The following STT3B variants were observed in gnomAD, a reference collection of about 807,000 sequenced individuals.
STT3B encodes dolichyl-diphosphooligosaccharide--protein glycosyltransferase subunit STT3B.
In STT3B, 29 loss-of-function variants were observed where a neutral mutation model predicts 96.8. That is an observed-to-expected ratio of 0.30 (90% CI 0.22 to 0.41). STT3B has a LOEUF of 0.41. Ranked by LOEUF, STT3B falls within the 10% of genes least tolerant of loss-of-function variation. STT3B has a pLI of 1.00. For synonymous variants in STT3B, 367 were observed against 360.0 expected (o/e 1.02, Z -0.22); for missense variants, 640 against 1,022.3 (o/e 0.63, Z 5.10).
intron 14 of STT3B, 59 bp from the exon 15 acceptor site, chr3:31,632,876 T>C: frequency 6.9e-7 from 1 of 1,450,240 alleles, no homozygotes; most frequent in East Asian, 2.3e-5. Context: ...ACTTACTGTC[T>C]TATAACACTG....
At chr3:31,598,840 G>T (rs1273768132) in intron 4 of STT3B, among the ~76,000 whole-genome samples, 1 of 148,056 alleles carries the variant, frequency 6.8e-6, no homozygotes, top group African/African-American at 2.5e-5. Flanking sequence ...ATGGAGTTTC[G>T]CTCTTGTTGC....
At chr3:31,629,178 G>T in intron 13 of STT3B, 120 bp from the exon 14 acceptor site, 1 of 657,770 alleles carries the variant, frequency 1.5e-6, no homozygotes, top group Non-Finnish European at 2.7e-6. Context: ...AGGTGTAACT[G>T]AATATGGCTT....
chr3:31,547,578 G>A (rs753010123), intron 1 of STT3B, among the ~76,000 whole-genome samples: 41 of 152,122 alleles, frequency 2.7e-4, no homozygotes, highest in Non-Finnish European at 2.6e-4. Context: ...CCCTGGAGGC[G>A]GAAGTTGCAG....
At chr3:31,548,881 T>C (rs557454337) in intron 1 of STT3B, among the ~76,000 whole-genome samples, 1 of 152,288 alleles carries the variant, frequency 6.6e-6, no homozygotes, top group South Asian at 2.1e-4. Flanking sequence ...AAATAATCTT[T>C]GATAATTTGA....
rs909694143 is a variant in STT3B at position 31,602,660 on chromosome 3, A to T, written c.877+2201A>T. Among the ~76,000 whole-genome samples the T allele has an allele frequency of 2.1e-3, 259 of 125,118 alleles. 6 individuals are homozygous for T. The East Asian group carries it at 0.053, about 25-fold the overall frequency. The allele number at this position is 125,118 out of a possible 152,430, so 82.1% of individuals were successfully genotyped here. On this transcript the variant is annotated intron_variant, in intron 5 of 15. Transcript: ENST00000295770. ...AAGGCCTTTGTATTTGGTAGCTGGG[A>T]TTTTTTTTTTTTTTTTTTTTTTGGT...
chr3:31,636,647 C>T lies in STT3B; in HGVS notation c.*583C>T, dbSNP rs909634876. 1 of 152,176 alleles carries T rather than the reference C, an allele frequency of 6.6e-6. No homozygotes were observed. The highest frequency in any genetic ancestry group is 2.4e-5 in the African/African-American group (1 of 41,438). 9.4% of individuals were successfully genotyped at this position (152,176 alleles called of 1,614,324 possible). On this transcript the variant is annotated 3_prime_UTR_variant, in exon 16 of 16. Transcript: ENST00000295770. ...GCTTACTGTTTGCTCTGAGAAGAAG[C>T]TGCTGTTTCAAAGATGGACCTCTGA...
intron 6 of STT3B, among the ~76,000 whole-genome samples, chr3:31,616,258 C>T (rs1190100696): frequency 2.0e-5 from 3 of 151,792 alleles, no homozygotes; most frequent in Non-Finnish European, 4.4e-5. Context: ...TTCATCTTTT[C>T]CTCTGGGTGT....
intron 5 of STT3B, among the ~76,000 whole-genome samples, chr3:31,611,789 G>A (rs940311495): frequency 3.3e-5 from 5 of 152,124 alleles, no homozygotes; most frequent in African/African-American, 1.2e-4. Context: ...GAGCCATCAT[G>A]CCTGGCCAAG....
At chr3:31,592,987 G>A (rs12634264) in intron 3 of STT3B, among the ~76,000 whole-genome samples, 5,996 of 152,188 alleles carry the variant, frequency 0.039, 153 homozygotes, top group South Asian at 0.072. Flanking sequence ...ACAAAAAGCA[G>A]CAATCAGTGA....
At chr3:31,619,524 A>G in intron 8 of STT3B, 152 bp from the exon 9 acceptor site, 1 of 627,792 alleles carries the variant, frequency 1.6e-6, no homozygotes, top group East Asian at 2.8e-5. Flanking sequence ...AACAGAAACT[A>G]TCCAGTATAA....
chr3:31,610,297 G>C (rs575510919), intron 5 of STT3B, among the ~76,000 whole-genome samples: 3 of 152,276 alleles, frequency 2.0e-5, no homozygotes, highest in Admixed American at 6.5e-5. Flanking sequence ...TCTACCCGTT[G>C]TGTGTGTTTT....
chr3:31,546,475 A>C (rs1412886445), intron 1 of STT3B, among the ~76,000 whole-genome samples: 1 of 152,172 alleles, frequency 6.6e-6, no homozygotes, highest in Non-Finnish European at 1.5e-5. Flanking sequence ...AGAACATTTC[A>C]AAGGGGGAGA....
chr3:31,618,614 T>C (rs553134259), intron 8 of STT3B, among the ~76,000 whole-genome samples: 1 of 152,196 alleles, frequency 6.6e-6, no homozygotes, highest in Admixed American at 6.5e-5. Context: ...CTGTTCTGTC[T>C]TGTTACTCCC....
chr3:31,533,859 T>A (rs1559495367), intron 1 of STT3B, among the ~76,000 whole-genome samples: 2 of 152,254 alleles, frequency 1.3e-5, no homozygotes, highest in African/African-American at 4.8e-5. Flanking sequence ...TGCTCACCCT[T>A]GCAGTTTTAC....
At chr3:31,609,054 G>T (rs867914942) in intron 5 of STT3B, among the ~76,000 whole-genome samples, 2 of 152,240 alleles carry the variant, frequency 1.3e-5, no homozygotes, top group Middle Eastern at 3.4e-3. Context: ...GGCGGAGGTC[G>T]CAGTGAGCCG....
At chr3:31,572,113 A>T (rs1315110949) in intron 1 of STT3B, among the ~76,000 whole-genome samples, 19 of 133,110 alleles carry the variant, frequency 1.4e-4, no homozygotes, top group Admixed American at 2.2e-4. Context: ...TATATATATT[A>T]TATATCTCAA....
chr3:31,559,009 G>A, intron 1 of STT3B, among the ~76,000 whole-genome samples: 1 of 149,152 alleles, frequency 6.7e-6, no homozygotes, highest in Non-Finnish European at 1.5e-5. Flanking sequence ...AATTTGTAGT[G>A]TCTTTGTTTT....
intron 2 of STT3B, among the ~76,000 whole-genome samples, chr3:31,578,155 G>C (rs1489444544): frequency 1.3e-5 from 2 of 152,090 alleles, no homozygotes; most frequent in East Asian, 1.9e-4. Flanking sequence ...GCATTGGAAG[G>C]CTTGATGGAT....
intron 1 of STT3B, among the ~76,000 whole-genome samples, chr3:31,572,589 C>T (rs909554769): frequency 6.6e-6 from 1 of 152,124 alleles, no homozygotes; most frequent in South Asian, 2.1e-4. Flanking sequence ...TGGCCTGGTG[C>T]GATGGCTCAC....
Sources: allele counts gnomAD v4.1 joint callset (sites outside exome capture counted in the v4.1 genomes callset), GRCh38; gene constraint gnomAD v4.1.1; transcripts MANE v1.5; gene names NCBI Gene and HGNC (gene_info 2026-07-23, HGNC 2026-07-21).